Variants in THSD7B observed in about 807,000 individuals in gnomAD.
THSD7B encodes thrombospondin type-1 domain-containing protein 7B.
A neutral mutation model predicts 213.6 loss-of-function variants in THSD7B; 138 were observed. The observed-to-expected ratio is 0.65, with a 90% CI of 0.56 to 0.74. THSD7B has a LOEUF of 0.74. Ranked by LOEUF, THSD7B falls within the 30% of genes least tolerant of loss-of-function variation. The pLI, the probability that THSD7B is intolerant of heterozygous loss-of-function variation, is 0.00. For synonymous variants in THSD7B, 742 were observed against 687.0 expected (o/e 1.08, Z -1.25); for missense variants, 1,931 against 1,991.5 (o/e 0.97, Z 0.58).
At chr2:137,507,802 C>G (rs1341160532) in intron 15 of THSD7B, among the ~76,000 whole-genome samples, 1 of 150,930 alleles carries the variant, frequency 6.6e-6, no homozygotes, top group African/African-American at 2.4e-5. Context: ...TCCTTTCATT[C>G]TTCCTTTTCT....
intron 7 of THSD7B, among the ~76,000 whole-genome samples, chr2:137,184,637 G>A (rs966908582): frequency 3.3e-5 from 5 of 152,142 alleles, no homozygotes; most frequent in Middle Eastern, 3.4e-3. Context: ...CATATCAACT[G>A]TCTATATTTG....
At chr2:137,192,494 A>G (rs1285797021) in intron 7 of THSD7B, among the ~76,000 whole-genome samples, 1 of 152,196 alleles carries the variant, frequency 6.6e-6, no homozygotes, top group Non-Finnish European at 1.5e-5. Flanking sequence ...ATACTTGTAT[A>G]CTTGAGAAGA....
intron 12 of THSD7B, among the ~76,000 whole-genome samples, chr2:137,320,005 A>G (rs1455420016): frequency 6.6e-6 from 1 of 152,158 alleles, no homozygotes; most frequent in Non-Finnish European, 1.5e-5. Context: ...TTCACTGAGG[A>G]TTATGGAGTA....
At chr2:136,927,456 A>G (rs1201842777) in intron 2 of THSD7B, among the ~76,000 whole-genome samples, 1 of 152,230 alleles carries the variant, frequency 6.6e-6, no homozygotes, top group Non-Finnish European at 1.5e-5. Context: ...CCACTCCAGT[A>G]GAACCTACAT....
intron 2 of THSD7B, among the ~76,000 whole-genome samples, chr2:136,925,461 T>C (rs536015555): frequency 6.6e-6 from 1 of 152,332 alleles, no homozygotes; most frequent in South Asian, 2.1e-4. Context: ...TTTGTTAATG[T>C]GGTCTATTAC....
intron 12 of THSD7B, among the ~76,000 whole-genome samples, chr2:137,333,281 C>A (rs1053550782): frequency 6.6e-6 from 1 of 152,230 alleles, no homozygotes; most frequent in African/African-American, 2.4e-5. Flanking sequence ...GTAGTTCATA[C>A]TATCATTTTA....
chr2:136,774,921 A>T (rs529040515), intron 1 of THSD7B, among the ~76,000 whole-genome samples: 1 of 152,118 alleles, frequency 6.6e-6, no homozygotes, highest in African/African-American at 2.4e-5. Flanking sequence ...AAAGTCCAAG[A>T]TGCATTTGTT....
intron 3 of THSD7B, among the ~76,000 whole-genome samples, chr2:137,059,508 C>T (rs186204131): frequency 6.6e-6 from 1 of 152,026 alleles, no homozygotes; most frequent in African/African-American, 2.4e-5. Flanking sequence ...CCCTAAGTAT[C>T]CCTTCTACTC....
intron 12 of THSD7B, among the ~76,000 whole-genome samples, chr2:137,298,942 C>T: frequency 6.6e-6 from 1 of 152,110 alleles, no homozygotes; most frequent in Non-Finnish European, 1.5e-5. Context: ...ACACAGAGTC[C>T]CTAGTGGGGC....
At chr2:136,984,769 A>G (rs1348705156) in intron 2 of THSD7B, among the ~76,000 whole-genome samples, 1 of 152,182 alleles carries the variant, frequency 6.6e-6, no homozygotes, top group African/African-American at 2.4e-5. Context: ...GAAGATAAGG[A>G]AAAGTTTGAA....
intron 20 of THSD7B, among the ~76,000 whole-genome samples, chr2:137,639,886 G>A (rs1682905922): frequency 6.6e-6 from 1 of 152,196 alleles, no homozygotes; most frequent in South Asian, 2.1e-4. Flanking sequence ...TATCTAGGAA[G>A]TAACTAGCTT....
chr2:137,051,157 AAAGT>A lies in THSD7B; in HGVS notation c.140-5258_140-5255del, dbSNP rs1234015388. Among the ~76,000 whole-genome samples the A allele has an allele frequency of 2.0e-5, 3 of 152,206 alleles. No homozygotes were observed. In the East Asian group the frequency reaches 5.8e-4, roughly 29 times the overall value. ...CATTAAGATTGTTAATACTGTGTAT[AAAGT>A]AAGTGTAAATAGGCCTAAAGGAAGG... is the stretch of plus-strand genomic sequence containing the variant. On this transcript the variant is annotated intron_variant, in intron 2 of 27. Coordinates refer to ENST00000409968, the MANE Select transcript of THSD7B (RefSeq NM_001316349.2).
At position 136,826,321 on chromosome 2, in the gene THSD7B, C is replaced by G. The variant is rs150086063; in HGVS notation, c.-35-55823C>G. 5.5e-4 allele frequency among the ~76,000 whole-genome samples: 83 copies of G among 152,260 alleles called. No individual in the cohort carries two copies. The East Asian group carries it at 0.015, about 28-fold the overall frequency. ...TTTTTATCTGTTTTGTACATTTGCACAAAATAAACTGTAAGCAAATAAACT... is the reference window on the plus strand; with the variant it reads ...TTTTTATCTGTTTTGTACATTTGCAGAAAATAAACTGTAAGCAAATAAACT... On this transcript the variant is annotated intron_variant, in intron 1 of 27. Transcript: ENST00000409968.
At chr2:136,789,418 A>G (rs1025011679) in intron 1 of THSD7B, among the ~76,000 whole-genome samples, 1 of 152,118 alleles carries the variant, frequency 6.6e-6, no homozygotes, top group Non-Finnish European at 1.5e-5. Context: ...CATAATATGT[A>G]AAGATCAAAG....
At chr2:137,642,408 G>A (rs1682956379) in intron 20 of THSD7B, 80 bp from the exon 21 acceptor site, 11 of 1,536,906 alleles carry the variant, frequency 7.2e-6, no homozygotes, top group Non-Finnish European at 7.9e-6. Flanking sequence ...AGACTTACAT[G>A]TATAAGGCAA....
chr2:136,803,480 G>C (rs375415746), intron 1 of THSD7B, among the ~76,000 whole-genome samples: 23 of 152,080 alleles, frequency 1.5e-4, no homozygotes, highest in East Asian at 7.7e-4. Flanking sequence ...AGGACATTAG[G>C]GATTATGAAA....
intron 1 of THSD7B, among the ~76,000 whole-genome samples, chr2:136,772,242 T>C (rs1681521561): frequency 1.3e-5 from 2 of 152,094 alleles, no homozygotes; most frequent in South Asian, 4.1e-4. Context: ...TTATCCAAAA[T>C]GCAAGAACAC....
intron 9 of THSD7B, among the ~76,000 whole-genome samples, chr2:137,238,655 G>A (rs1370347344): frequency 1.4e-5 from 2 of 138,078 alleles, no homozygotes; most frequent in East Asian, 2.4e-4. Context: ...CCGGGTTCAC[G>A]CCATTCTCCT....
chr2:136,953,816 ACT>A (rs1172729420), intron 2 of THSD7B, among the ~76,000 whole-genome samples: 4 of 152,102 alleles, frequency 2.6e-5, no homozygotes, highest in African/African-American at 9.7e-5. Context: ...TCTCATGGAC[ACT>A]CTCTAGTTTA....
Sources: allele counts gnomAD v4.1 joint callset (sites outside exome capture counted in the v4.1 genomes callset), GRCh38; gene constraint gnomAD v4.1.1; transcripts MANE v1.5; gene names NCBI Gene and HGNC (gene_info 2026-07-23, HGNC 2026-07-21).